SLC67A1: variants seen among roughly 807,000 people sequenced by gnomAD.
SLC67A1 encodes solute carrier family 67 member 1, also known as solute carrier family 67 member A1.
the SLC67A1 span, among the ~76,000 whole-genome samples, chr11:2,908,038 A>G: frequency 2.6e-5 from 4 of 152,164 alleles, no homozygotes; most frequent in East Asian, 7.7e-4. Context: ...CAAGGACCTT[A>G]GAGACCACAA....
chr11:2,917,851 G>C, the SLC67A1 span: 1 of 630,050 alleles, frequency 1.6e-6, no homozygotes, highest in Non-Finnish European at 2.7e-6. Flanking sequence ...CCACAAGTGA[G>C]CGGTGCTGAA....
At chr11:2,909,293 C>G in the SLC67A1 span, 1 of 1,534,470 alleles carries the variant, frequency 6.5e-7, no homozygotes, top group Non-Finnish European at 8.7e-7. Context: ...CAGCCCGGCC[C>G]TGCCCGGGGT....
At chr11:2,917,856 G>T in the SLC67A1 span, 1 of 656,520 alleles carries the variant, frequency 1.5e-6, no homozygotes, top group Non-Finnish European at 2.6e-6. Flanking sequence ...AGTGAGCGGT[G>T]CTGAAGCCAA....
the SLC67A1 span, chr11:2,922,677 TGTGGGTTGA>T: frequency 1.2e-3 from 94 of 81,616 alleles, 14 homozygotes; most frequent in South Asian, 2.3e-3. Flanking sequence ...CTGGGGTCTG[TGTGGGTTGA>T]GTGGAGTGGG....
At chr11:2,900,692 C>CAAAAAAAAAAAAAAAAAAAAAA in the SLC67A1 span, among the ~76,000 whole-genome samples, 3 of 59,640 alleles carry the variant, frequency 5.0e-5, no homozygotes, top group African/African-American at 6.6e-5. Flanking sequence ...GACTCCGTCT[C>CAAAAAAAAAAAAAAAAAAAAAA]AAAAAAAAAA....
chr11:2,912,715 G>A, the SLC67A1 span, among the ~76,000 whole-genome samples: 4 of 152,216 alleles, frequency 2.6e-5, no homozygotes, highest in Admixed American at 1.3e-4. Flanking sequence ...GGAGGGACCC[G>A]GGACCTGAGT....
At chr11:2,909,760 T>G in the SLC67A1 span, 2 of 1,406,172 alleles carry the variant, frequency 1.4e-6, no homozygotes. Flanking sequence ...CGCCCGCGGC[T>G]GGGTCGGCCC....
the SLC67A1 span, among the ~76,000 whole-genome samples, chr11:2,900,692 C>CAAAAAAAAAAAAAAAAAA: frequency 1.7e-3 from 100 of 59,622 alleles, no homozygotes; most frequent in Non-Finnish European, 2.6e-3. Flanking sequence ...GACTCCGTCT[C>CAAAAAAAAAAAAAAAAAA]AAAAAAAAAA....
chr11:2,902,877 C>T, the SLC67A1 span, among the ~76,000 whole-genome samples: 1 of 152,178 alleles, frequency 6.6e-6, no homozygotes, highest in African/African-American at 2.4e-5. Context: ...TGTGGGCCTA[C>T]GGAGGGCCTC....
chr11:2,917,448 C>G, the SLC67A1 span, among the ~76,000 whole-genome samples: 42 of 152,274 alleles, frequency 2.8e-4, no homozygotes, highest in African/African-American at 9.9e-4. Flanking sequence ...GAGGCAGGAG[C>G]CCCTGAGACA....
chr11:2,922,186 G>T, the SLC67A1 span: 29 of 1,613,484 alleles, frequency 1.8e-5, no homozygotes, highest in Non-Finnish European at 2.5e-5. Context: ...GGTCTTCATC[G>T]TGGTGGGCCT....
At chr11:2,922,064 C>G in the SLC67A1 span, 1 of 1,495,336 alleles carries the variant, frequency 6.7e-7, no homozygotes, top group Non-Finnish European at 9.3e-7. Flanking sequence ...TCCCTCGCCT[C>G]CCCCATACCC....
the SLC67A1 span, among the ~76,000 whole-genome samples, chr11:2,905,840 C>T: frequency 6.6e-6 from 1 of 152,198 alleles, no homozygotes; most frequent in African/African-American, 2.4e-5. Flanking sequence ...TTGCCACCCC[C>T]TCAAAAGGGG....
chr11:2,922,290 G>A, the SLC67A1 span: 1 of 1,508,700 alleles, frequency 6.6e-7, no homozygotes, highest in Admixed American at 1.7e-5. Flanking sequence ...TTAAGCCCTT[G>A]GGGACTCCTC....
chr11:2,911,144 C>T, the SLC67A1 span, among the ~76,000 whole-genome samples: 6 of 152,164 alleles, frequency 3.9e-5, no homozygotes, highest in South Asian at 1.2e-3. Context: ...CCAGCACCAC[C>T]CCCTCAAGTC....
At chr11:2,902,990 G>C in the SLC67A1 span, 4 of 268,760 alleles carry the variant, frequency 1.5e-5, no homozygotes, top group South Asian at 2.7e-4. Context: ...TAAAAGTGGG[G>C]CATGGCACAT....
At chr11:2,922,279 C>T in the SLC67A1 span, 3 of 1,523,180 alleles carry the variant, frequency 2.0e-6, no homozygotes, top group Admixed American at 1.7e-5. Context: ...ACCATCTGTG[C>T]TTAAGCCCTT....
chr11:2,908,430 G>C, the SLC67A1 span: 10 of 805,150 alleles, frequency 1.2e-5, no homozygotes, highest in Non-Finnish European at 1.9e-5. Context: ...CCCCACACCG[G>C]ACCCCCCTGG....
At chr11:2,918,359 C>T in the SLC67A1 span, among the ~76,000 whole-genome samples, 8 of 152,276 alleles carry the variant, frequency 5.3e-5, no homozygotes, top group African/African-American at 1.9e-4. Flanking sequence ...TCAGCTCTTA[C>T]CCTCATACCC....
Sources: gnomAD v4.1 joint callset for allele counts (sites outside exome capture counted in the v4.1 genomes callset) on GRCh38, gnomAD v4.1.1 for gene constraint, MANE v1.5 for transcripts, NCBI Gene and HGNC (gene_info 2026-07-23, HGNC 2026-07-21) for gene names.